PACRG: variants seen among roughly 807,000 people sequenced by gnomAD.
PACRG encodes parkin coregulated gene protein.
In PACRG, 29 loss-of-function variants were observed where a neutral mutation model predicts 29.7. That is an observed-to-expected ratio of 0.98 (90% CI 0.73 to 1.33). The LOEUF (loss-of-function observed/expected upper bound fraction) is 1.33. Ranked by LOEUF, PACRG falls within the 40% of genes most tolerant of loss-of-function variation. PACRG has a pLI of 0.00. For synonymous variants in PACRG, 116 were observed against 118.7 expected (o/e 0.98, Z 0.15); for missense variants, 279 against 316.2 (o/e 0.88, Z 0.89).
intron 2 of PACRG, among the ~76,000 whole-genome samples, chr6:162,996,592 A>G (rs943961129): frequency 1.3e-5 from 2 of 152,214 alleles, no homozygotes; most frequent in African/African-American, 4.8e-5. Flanking sequence ...GGAATATTAT[A>G]TAACAATTTA....
rs537223488 is a variant in PACRG, at chr6:163,185,189, T to C, written c.613+95781T>C. ...GCACATGGCACCACAGAGAGAAAGA[T>C]GGAGGAGGAGTGCAGCCGTACGCTG... On this transcript the variant is annotated intron_variant, in intron 4 of 4. Coordinates refer to ENST00000366888, the MANE Select transcript of PACRG (RefSeq NM_001080379.2). Among the ~76,000 whole-genome samples, 19 of 149,194 alleles carry C rather than the reference T, an allele frequency of 1.3e-4. No individual in the cohort carries two copies. In the South Asian group the frequency reaches 3.5e-3, roughly 28 times the overall value.
intron 2 of PACRG, among the ~76,000 whole-genome samples, chr6:163,003,447 G>A (rs1342303699): frequency 6.6e-6 from 1 of 152,012 alleles, no homozygotes; most frequent in Non-Finnish European, 1.5e-5. Context: ...TGCAATACCA[G>A]AATCAAGTCA....
At chr6:162,857,734 T>C (rs1442711476) in intron 2 of PACRG, among the ~76,000 whole-genome samples, 1 of 151,836 alleles carries the variant, frequency 6.6e-6, no homozygotes, top group Admixed American at 6.6e-5. Flanking sequence ...TTAATCACTT[T>C]AGCTCTGAAT....
intron 1 of PACRG, among the ~76,000 whole-genome samples, chr6:162,798,882 T>C (rs550862200): frequency 1.3e-5 from 2 of 152,358 alleles, no homozygotes; most frequent in South Asian, 4.1e-4. Flanking sequence ...GGAATGCCTA[T>C]ATAAAATTTT....
intron 4 of PACRG, among the ~76,000 whole-genome samples, chr6:163,279,039 G>C (rs558875951): frequency 4.9e-4 from 75 of 152,240 alleles, no homozygotes; most frequent in Non-Finnish European, 1.1e-3. Flanking sequence ...CCTTGTAGAG[G>C]TCTTTCATGT....
intron 4 of PACRG, chr6:163,190,855 G>A (rs556583442): frequency 4.8e-5 from 20 of 413,926 alleles, no homozygotes; most frequent in East Asian, 3.0e-4. Flanking sequence ...TACTTCCCTC[G>A]TGTTCTGTCT....
At chr6:163,266,071 G>C (rs1004265411) in intron 4 of PACRG, among the ~76,000 whole-genome samples, 1 of 152,156 alleles carries the variant, frequency 6.6e-6, no homozygotes, top group Non-Finnish European at 1.5e-5. Flanking sequence ...AATTGAATTA[G>C]TAGTTGTGTT....
chr6:162,846,241 G>T (rs905009761), intron 2 of PACRG, among the ~76,000 whole-genome samples: 1 of 152,114 alleles, frequency 6.6e-6, no homozygotes, highest in African/African-American at 2.4e-5. Flanking sequence ...AGTCACCGCT[G>T]GGAGCAGCCC....
intron 2 of PACRG, among the ~76,000 whole-genome samples, chr6:162,996,723 C>T (rs1452758415): frequency 1.3e-5 from 2 of 152,258 alleles, no homozygotes; most frequent in African/African-American, 2.4e-5. Flanking sequence ...AGACTAATCA[C>T]ATTTCAAAGT....
intron 4 of PACRG, among the ~76,000 whole-genome samples, chr6:163,200,298 A>G (rs1439669097): frequency 6.6e-6 from 1 of 152,182 alleles, no homozygotes; most frequent in Non-Finnish European, 1.5e-5. Context: ...GCATCACAAA[A>G]TCAGGAACTG....
At chr6:163,062,658 A>G (rs1455100133) in intron 3 of PACRG, among the ~76,000 whole-genome samples, 1 of 152,110 alleles carries the variant, frequency 6.6e-6, no homozygotes, top group Non-Finnish European at 1.5e-5. Flanking sequence ...TGTAAATGGC[A>G]TCTCTAATTT....
At chr6:163,015,739 C>A (rs1192356217) in intron 2 of PACRG, among the ~76,000 whole-genome samples, 1 of 152,002 alleles carries the variant, frequency 6.6e-6, no homozygotes. Context: ...GTTCCAGGAG[C>A]TTTTTGGTGG....
intron 2 of PACRG, among the ~76,000 whole-genome samples, chr6:162,898,930 T>C (rs1795357207): frequency 1.3e-5 from 2 of 152,266 alleles, no homozygotes; most frequent in Admixed American, 1.3e-4. Flanking sequence ...CCCTATTTCA[T>C]TATTTAGTAT....
At chr6:163,193,720 T>A (rs1020845578) in intron 4 of PACRG, among the ~76,000 whole-genome samples, 6 of 152,110 alleles carry the variant, frequency 3.9e-5, no homozygotes, top group Non-Finnish European at 4.4e-5. Flanking sequence ...TGTTTCAATA[T>A]TCAAAGTTAG....
intron 4 of PACRG, among the ~76,000 whole-genome samples, chr6:163,171,208 G>C (rs1322424258): frequency 6.6e-6 from 1 of 152,054 alleles, no homozygotes; most frequent in East Asian, 1.9e-4. Flanking sequence ...GTTAGCTGCA[G>C]AGAATTTTGA....
intron 2 of PACRG, among the ~76,000 whole-genome samples, chr6:162,879,565 CA>C (rs1793658680): frequency 6.6e-6 from 1 of 152,206 alleles, no homozygotes; most frequent in African/African-American, 2.4e-5. Flanking sequence ...ATTTTTAAAT[CA>C]ATCCAATGTA....
At chr6:163,006,888 A>G (rs1805169927) in intron 2 of PACRG, among the ~76,000 whole-genome samples, 1 of 150,756 alleles carries the variant, frequency 6.6e-6, no homozygotes, top group South Asian at 2.1e-4. Context: ...CTTTTATACA[A>G]TCTGGCAATG....
At chr6:162,758,146 C>A (rs1200020835) in intron 1 of PACRG, among the ~76,000 whole-genome samples, 3 of 152,076 alleles carry the variant, frequency 2.0e-5, no homozygotes, top group African/African-American at 7.2e-5. Context: ...GCTTGGGTGT[C>A]CAAATACTAC....
chr6:163,150,187 C>T (rs1022013270), intron 4 of PACRG, among the ~76,000 whole-genome samples: 1 of 152,206 alleles, frequency 6.6e-6, no homozygotes, highest in African/African-American at 2.4e-5. Context: ...TCTTAACCTG[C>T]GCCTCAGTTT....
Sources: allele counts gnomAD v4.1 joint callset (sites outside exome capture counted in the v4.1 genomes callset), GRCh38; gene constraint gnomAD v4.1.1; transcripts MANE v1.5; gene names NCBI Gene and HGNC (gene_info 2026-07-23, HGNC 2026-07-21).